The following TSNARE1 variants were observed in gnomAD, a reference collection of about 807,000 sequenced individuals.
TSNARE1 encodes the protein t-SNARE domain containing 1, also known as t-SNARE domain-containing protein 1.
In TSNARE1, 49 loss-of-function variants were observed where a neutral mutation model predicts 62.0. That is an observed-to-expected ratio of 0.79 (90% CI 0.63 to 1.00). TSNARE1 has a LOEUF of 1.00. Ranked by LOEUF, TSNARE1 falls within the 50% of genes least tolerant of loss-of-function variation. The pLI, the probability that TSNARE1 is intolerant of heterozygous loss-of-function variation, is 0.00. For missense variants in TSNARE1, 755 were observed against 700.1 expected, an observed-to-expected ratio of 1.08 and a Z score of -0.88; for synonymous variants, 328 against 294.4, an observed-to-expected ratio of 1.11 and a Z score of -1.17.
At chr8:142,400,377 C>T (rs1838200616) in intron 1 of TSNARE1, among the ~76,000 whole-genome samples, 1 of 149,490 alleles carries the variant, frequency 6.7e-6, no homozygotes, top group Admixed American at 6.7e-5. Context: ...ACCCAGGAGG[C>T]AGAGGTTGCA....
intron 1 of TSNARE1, among the ~76,000 whole-genome samples, chr8:142,384,962 T>C (rs1213637537): frequency 6.6e-6 from 1 of 151,982 alleles, no homozygotes; most frequent in African/African-American, 2.4e-5. Context: ...CCACAATAAG[T>C]AAAGAATTCC....
At chr8:142,273,257 G>A in intron 12 of TSNARE1, 1 of 985,406 alleles carries the variant, frequency 1.0e-6, no homozygotes, top group Non-Finnish European at 1.2e-6. Flanking sequence ...CGCTGCTTCT[G>A]ACCAGGTGAT....
At chr8:142,279,236 C>T (rs1820996276) in intron 11 of TSNARE1, among the ~76,000 whole-genome samples, 1 of 152,264 alleles carries the variant, frequency 6.6e-6, no homozygotes, top group Admixed American at 6.5e-5. Flanking sequence ...GCCGTGCTCA[C>T]CGCTGGACTG....
intron 4 of TSNARE1, among the ~76,000 whole-genome samples, chr8:142,332,624 T>C (rs756700466): frequency 1.3e-5 from 2 of 152,084 alleles, no homozygotes; most frequent in Non-Finnish European, 2.9e-5. Context: ...CATGAGGACA[T>C]GGTGGATGGA....
intron 12 of TSNARE1, among the ~76,000 whole-genome samples, chr8:142,257,179 T>C (rs1818627202): frequency 6.6e-6 from 1 of 152,178 alleles, no homozygotes. Context: ...CAGTGCCCAC[T>C]TCGGGGGTGA....
At chr8:142,393,052 C>G (rs990685345) in intron 1 of TSNARE1, among the ~76,000 whole-genome samples, 1 of 151,944 alleles carries the variant, frequency 6.6e-6, no homozygotes, top group Admixed American at 6.5e-5. Flanking sequence ...TGCTTCCTGC[C>G]ATGTTTTAAT....
intron 11 of TSNARE1, chr8:142,277,349 C>T (rs1820669516): frequency 2.0e-6 from 2 of 985,430 alleles, no homozygotes; most frequent in Non-Finnish European, 2.4e-6. Context: ...TCAAAGGAAA[C>T]TGCCTGCCCA....
chr8:142,226,619 C>T (rs1391204775), intron 13 of TSNARE1, among the ~76,000 whole-genome samples: 1 of 152,184 alleles, frequency 6.6e-6, no homozygotes, highest in African/African-American at 2.4e-5. Context: ...ACTCCTCTGG[C>T]TAAAGAGCAC....
chr8:142,345,480 G>A (rs1833228769), intron 3 of TSNARE1, among the ~76,000 whole-genome samples: 1 of 152,184 alleles, frequency 6.6e-6, no homozygotes, highest in Admixed American at 6.5e-5. Flanking sequence ...CCCCCAGCGG[G>A]AGCACCCCTG....
At chr8:142,280,037 G>A (rs925667567) in intron 11 of TSNARE1, 225 of 1,229,478 alleles carry the variant, frequency 1.8e-4, no homozygotes, top group Admixed American at 2.9e-4. Flanking sequence ...CCCAGGTCGC[G>A]GCGGCAGTAG....
At chr8:142,284,106 T>C (rs1018049572) in intron 11 of TSNARE1, among the ~76,000 whole-genome samples, 1 of 109,498 alleles carries the variant, frequency 9.1e-6, no homozygotes, top group African/African-American at 2.8e-5. Flanking sequence ...GCGGGGCCAG[T>C]GTCTGTCAAT....
At chr8:142,313,642 T>G (rs1828026805) in intron 9 of TSNARE1, among the ~76,000 whole-genome samples, 1 of 152,200 alleles carries the variant, frequency 6.6e-6, no homozygotes, top group Admixed American at 6.5e-5. Context: ...TGTCTCTAGC[T>G]CTGTCTCTGC....
At position 142,354,810 on chromosome 8, in the gene TSNARE1, A is replaced by G. The variant is rs541183970; in HGVS notation, c.-39-47T>C. On this transcript the variant is annotated intron_variant, in intron 1 of 13. Transcript: ENST00000524325. Reference sequence around the variant, plus strand: ...GGGGGAAGAGGGGGAAGACATGGGGATTAAAGCTCCAATTCAGGGTGCACA... The same window carrying G: ...GGGGGAAGAGGGGGAAGACATGGGGGTTAAAGCTCCAATTCAGGGTGCACA... 170 of 1,161,560 alleles carry G rather than the reference A, an allele frequency of 1.5e-4. No homozygotes were observed. The East Asian group carries it at 3.9e-3, about 27-fold the overall frequency. The allele number at this position is 1,161,560 out of a possible 1,614,324, so 72.0% of individuals were successfully genotyped here. A position where few individuals can be genotyped will look rare whatever the true frequency, so the allele number is the denominator to read the frequency against.
intron 12 of TSNARE1, among the ~76,000 whole-genome samples, chr8:142,237,510 G>A (rs986766375): frequency 2.6e-5 from 4 of 152,184 alleles, no homozygotes; most frequent in East Asian, 1.9e-4. Flanking sequence ...TCTCTCCACC[G>A]TGTGCCAGCG....
At chr8:142,289,682 TA>T (rs1823419735) in intron 10 of TSNARE1, among the ~76,000 whole-genome samples, 1 of 152,198 alleles carries the variant, frequency 6.6e-6, no homozygotes, top group Non-Finnish European at 1.5e-5. Context: ...GCCCTCTGCA[TA>T]GGAGCTTCCT....
At chr8:142,232,274 A>G (rs1352832430) in intron 12 of TSNARE1, among the ~76,000 whole-genome samples, 1 of 152,196 alleles carries the variant, frequency 6.6e-6, no homozygotes, top group East Asian at 1.9e-4. Flanking sequence ...TCCAGACCCC[A>G]GGCAGCTGAC....
At chr8:142,373,833 GAGCGGGGA>G (rs1411250805) in intron 1 of TSNARE1, among the ~76,000 whole-genome samples, 3 of 152,142 alleles carry the variant, frequency 2.0e-5, no homozygotes, top group East Asian at 3.9e-4. Flanking sequence ...CTAGGCAGGG[GAGCGGGGA>G]AGCGGGGAGA....
chr8:142,270,953 G>C (rs571806430), intron 12 of TSNARE1: 2 of 985,338 alleles, frequency 2.0e-6, no homozygotes, highest in Non-Finnish European at 2.4e-6. Context: ...TCATCCTTCC[G>C]GTCTCCTGGA....
At chr8:142,252,125 G>A (rs533570516) in intron 12 of TSNARE1, among the ~76,000 whole-genome samples, 460 of 152,020 alleles carry the variant, frequency 3.0e-3, no homozygotes, top group Non-Finnish European at 5.2e-3. Context: ...CCATGTACCC[G>A]CCGCCCGCGT....
Sources: gnomAD v4.1 joint callset for allele counts (sites outside exome capture counted in the v4.1 genomes callset) on GRCh38, gnomAD v4.1.1 for gene constraint, MANE v1.5 for transcripts, NCBI Gene and HGNC (gene_info 2026-07-23, HGNC 2026-07-21) for gene names.